Variants in SSBP2 observed in about 807,000 individuals in gnomAD.
SSBP2 encodes single-stranded DNA-binding protein 2.
A neutral mutation model predicts 61.8 loss-of-function variants in SSBP2; 17 were observed. The observed-to-expected ratio is 0.28, with a 90% CI of 0.19 to 0.41. The LOEUF (loss-of-function observed/expected upper bound fraction) is 0.41, where lower values mean the gene tolerates loss of function less well. Ranked by LOEUF, SSBP2 falls within the 10% of genes least tolerant of loss-of-function variation. The pLI is 1.00. For missense variants in SSBP2, 310 were observed against 458.7 expected (o/e 0.68, Z 2.96); for synonymous variants, 139 against 141.3 (o/e 0.98, Z 0.12).
chr5:81,548,670 C>T (rs1032094012), intron 4 of SSBP2, among the ~76,000 whole-genome samples: 2 of 152,172 alleles, frequency 1.3e-5, no homozygotes, highest in South Asian at 2.1e-4. Context: ...CGCCTGTAAT[C>T]CCAGCACTTT....
chr5:81,730,797 G>C lies in SSBP2; in HGVS notation c.62+20184C>G, dbSNP rs1032780584. 2.0e-5 allele frequency among the ~76,000 whole-genome samples: 3 copies of C among 152,156 alleles called. No individual in the cohort carries two copies. In the South Asian group the frequency reaches 6.2e-4, roughly 31 times the overall value. Reference sequence around the variant, plus strand: ...AAGTAGAAACTCAGGTTCCTTTTAAGTGATGAAATTGAAGCAGTTTCATAT... The same window carrying C: ...AAGTAGAAACTCAGGTTCCTTTTAACTGATGAAATTGAAGCAGTTTCATAT... On this transcript the variant is annotated intron_variant, in intron 1 of 16. Coordinates refer to ENST00000320672, the MANE Select transcript of SSBP2 (RefSeq NM_012446.5).
chr5:81,598,115 C>G (rs1015977768), intron 4 of SSBP2, among the ~76,000 whole-genome samples: 1 of 151,520 alleles, frequency 6.6e-6, no homozygotes. Context: ...AGACGATAAA[C>G]CACAGATCCA....
At chr5:81,429,051 G>C in intron 15 of SSBP2, among the ~76,000 whole-genome samples, 1 of 152,098 alleles carries the variant, frequency 6.6e-6, no homozygotes. Flanking sequence ...AGGCAAGATG[G>C]AACAATAACT....
chr5:81,583,133 T>C (rs1264580666), intron 4 of SSBP2, among the ~76,000 whole-genome samples: 1 of 152,046 alleles, frequency 6.6e-6, no homozygotes, highest in Non-Finnish European at 1.5e-5. Flanking sequence ...AGGAGGATCC[T>C]TTGATCCCAG....
intron 4 of SSBP2, among the ~76,000 whole-genome samples, chr5:81,545,725 T>G (rs1771681202): frequency 6.6e-6 from 1 of 152,134 alleles, no homozygotes; most frequent in Non-Finnish European, 1.5e-5. Flanking sequence ...CCTTGTATAA[T>G]ACAAAAAACA....
intron 4 of SSBP2, among the ~76,000 whole-genome samples, chr5:81,578,778 CTTCAT>C (rs1774423265): frequency 6.6e-6 from 1 of 151,764 alleles, no homozygotes; most frequent in African/African-American, 2.4e-5. Context: ...CTATAGATCT[CTTCAT>C]TTTTTTTTTC....
chr5:81,500,156 T>C (rs1005180637), intron 5 of SSBP2, among the ~76,000 whole-genome samples: 23 of 152,210 alleles, frequency 1.5e-4, no homozygotes, highest in African/African-American at 4.6e-4. Flanking sequence ...TTAAAGCCAC[T>C]CAACTCATAT....
chr5:81,723,553 C>T (rs370530709), intron 1 of SSBP2, among the ~76,000 whole-genome samples: 3 of 152,084 alleles, frequency 2.0e-5, no homozygotes, highest in Admixed American at 6.6e-5. Flanking sequence ...TAAATTGATG[C>T]GCATTAACCC....
intron 4 of SSBP2, among the ~76,000 whole-genome samples, chr5:81,595,609 T>G (rs1044401902): frequency 1.3e-5 from 2 of 152,112 alleles, no homozygotes; most frequent in Non-Finnish European, 2.9e-5. Flanking sequence ...ACTGGCAAAC[T>G]GAATCCAGCA....
At chr5:81,684,684 C>T (rs1490520519) in intron 1 of SSBP2, among the ~76,000 whole-genome samples, 1 of 152,120 alleles carries the variant, frequency 6.6e-6, no homozygotes, top group Non-Finnish European at 1.5e-5. Context: ...GGAGCATTTA[C>T]CCGATGCTTG....
intron 3 of SSBP2, among the ~76,000 whole-genome samples, chr5:81,630,925 C>T (rs1048251500): frequency 6.6e-6 from 1 of 152,130 alleles, no homozygotes; most frequent in Non-Finnish European, 1.5e-5. Context: ...AAAATCGTCA[C>T]TTTGTTAACC....
intron 1 of SSBP2, among the ~76,000 whole-genome samples, chr5:81,673,348 T>C (rs184948233): frequency 2.0e-5 from 3 of 152,284 alleles, no homozygotes; most frequent in Non-Finnish European, 4.4e-5. Flanking sequence ...TTTATATTCC[T>C]GAATTAGGAT....
intron 7 of SSBP2, among the ~76,000 whole-genome samples, 175 bp from the exon 8 acceptor site, chr5:81,473,945 C>A (rs1161473151): frequency 6.6e-6 from 1 of 152,122 alleles, no homozygotes; most frequent in South Asian, 2.1e-4. Flanking sequence ...CTACCCACAC[C>A]CTCTATTAAT....
At chr5:81,710,962 A>G (rs150063933) in intron 1 of SSBP2, among the ~76,000 whole-genome samples, 147 of 152,202 alleles carry the variant, frequency 9.7e-4, no homozygotes, top group African/African-American at 3.2e-3. Context: ...CACCATAAAT[A>G]AATCCTGAAG....
intron 3 of SSBP2, among the ~76,000 whole-genome samples, chr5:81,624,600 C>CTA (rs1028454041): frequency 3.3e-5 from 5 of 152,044 alleles, no homozygotes; most frequent in African/African-American, 1.2e-4. Context: ...GATGCTCAAC[C>CTA]TATATAGTGA....
intron 4 of SSBP2, among the ~76,000 whole-genome samples, chr5:81,564,283 G>A (rs1158312672): frequency 1.3e-5 from 2 of 152,156 alleles, no homozygotes; most frequent in African/African-American, 2.4e-5. Flanking sequence ...TTGCACAAGA[G>A]AATGGAGAAA....
rs183585336 is a variant in SSBP2 at position 81,572,565 on chromosome 5, A to G, written c.282+42908T>C. 6.6e-5 allele frequency among the ~76,000 whole-genome samples: 10 copies of G among 152,316 alleles called. No homozygotes were observed. The East Asian group carries it at 1.9e-3, about 29-fold the overall frequency. On this transcript the variant is annotated intron_variant, in intron 4 of 16. Coordinates refer to ENST00000320672, the MANE Select transcript of SSBP2 (RefSeq NM_012446.5). ...GGCTCATTGGTATTAAGAATATAGC[A>G]AAGGCTTTAGATGAGCCATAGAGTT... is the stretch of plus-strand genomic sequence containing the variant.
intron 4 of SSBP2, among the ~76,000 whole-genome samples, chr5:81,558,492 G>A (rs1422958460): frequency 6.6e-6 from 1 of 151,924 alleles, no homozygotes; most frequent in African/African-American, 2.4e-5. Context: ...CACAGTAGGT[G>A]CTACTTGAAT....
Position 81,417,918 on chromosome 5 carries a change from G to T in SSBP2, c.*2586C>A. ...AAAAAAAAAACGAATTTTACTTTTA[G>T]GTTAGAAATAATGGGGATCATGATG... On this transcript the variant is annotated 3_prime_UTR_variant, in exon 17 of 17. Transcript: ENST00000320672. 6.6e-6 allele frequency: 1 copy of T among 151,342 alleles called. No homozygotes were observed. The allele number at this position is 151,342 out of a possible 1,614,324, so 9.4% of individuals were successfully genotyped here.
Sources: allele counts gnomAD v4.1 joint callset (sites outside exome capture counted in the v4.1 genomes callset), GRCh38; gene constraint gnomAD v4.1.1; transcripts MANE v1.5; gene names NCBI Gene and HGNC (gene_info 2026-07-23, HGNC 2026-07-21).